The following FGF13 variants were observed in gnomAD, a reference collection of about 807,000 sequenced individuals.
The protein encoded by FGF13 is fibroblast growth factor homologous factor 2.
Under a neutral mutation model 19.5 loss-of-function variants are expected in FGF13, and 2 were observed. That is an observed-to-expected ratio of 0.10 (90% CI 0.04 to 0.32). The LOEUF (loss-of-function observed/expected upper bound fraction) is 0.32, where lower values mean the gene tolerates loss of function less well. Among genes scored for constraint, FGF13 ranks in the 10% least tolerant of loss-of-function variants. The probability of loss-of-function intolerance (pLI) is 1.00; values close to 1 mark genes in which losing one functional copy is unlikely to be tolerated. For missense variants in FGF13, 113 were observed against 192.7 expected, an observed-to-expected ratio of 0.59 and a Z score of 2.45; for synonymous variants, 72 against 76.9, an observed-to-expected ratio of 0.94 and a Z score of 0.33.
At chrX:139,033,466 C>T (rs2092238374) in intron 1 of FGF13, among the ~76,000 whole-genome samples, 1 of 111,325 alleles carries the variant, frequency 9.0e-6, no homozygotes. Flanking sequence ...TATGTCACTG[C>T]CCCCATTTTA....
At chrX:138,870,645 G>A (rs1475196209) in intron 1 of FGF13, among the ~76,000 whole-genome samples, 3 of 112,791 alleles carry the variant, frequency 2.7e-5, no homozygotes, top group Non-Finnish European at 3.7e-5. Flanking sequence ...GATTATCCAG[G>A]TAGGCCCAAT....
At chrX:138,994,291 C>T (rs190102506) in intron 1 of FGF13, among the ~76,000 whole-genome samples, 18 of 110,948 alleles carry the variant, frequency 1.6e-4, no homozygotes, top group African/African-American at 5.6e-4. Flanking sequence ...CTCTCTTCCT[C>T]TTCTTATGAG....
chrX:138,991,947 T>C (rs1423479342), intron 1 of FGF13, among the ~76,000 whole-genome samples: 3 of 111,939 alleles, frequency 2.7e-5, no homozygotes, highest in African/African-American at 6.5e-5. Context: ...CCCCACAGCC[T>C]TGCCAAAAGA....
At chrX:138,830,687 TTGTGTGTGTGTGTGTGTG>T (rs144759178) in intron 3 of FGF13, among the ~76,000 whole-genome samples, 1,115 of 87,500 alleles carry the variant, frequency 0.013, 11 homozygotes, top group African/African-American at 0.044. Context: ...AAAGGGGTGT[TTGTGTGTGTGTGTGTGTG>T]TGTGTGTGTG....
chrX:139,204,023 G>C, upstream of FGF13: 6 of 1,201,444 alleles, frequency 5.0e-6, no homozygotes, highest in Admixed American at 2.2e-5. Context: ...GGAAACGAAG[G>C]AAAGGAAAGC....
rs973890111 is a variant in FGF13, at chrX:138,929,858, G to C, written c.-112-65208C>G. 6.0e-3 allele frequency among the ~76,000 whole-genome samples: 22 copies of C among 3,680 alleles called. No homozygotes were observed. The East Asian group carries it at 0.1, about 17-fold the overall frequency. 3.2% of individuals were successfully genotyped at this position (3,680 alleles called of 115,157 possible). ...CATTGTTGTGAACTGCCTTAGCTGTGTGTGTGTGTGTGTGTGTGTGTGTGT... is the reference window on the plus strand; with the variant it reads ...CATTGTTGTGAACTGCCTTAGCTGTCTGTGTGTGTGTGTGTGTGTGTGTGT... On this transcript the variant is annotated intron_variant, in intron 1 of 2. Transcript: ENST00000421460.
intron 1 of FGF13, among the ~76,000 whole-genome samples, chrX:138,937,460 T>C (rs2091737331): frequency 8.9e-6 from 1 of 112,334 alleles, no homozygotes. Context: ...TAGCTGCATG[T>C]AAGCAGGAGC....
intron 1 of FGF13, among the ~76,000 whole-genome samples, chrX:139,103,369 G>A (rs111519164): frequency 0.13 from 14,471 of 111,793 alleles, 738 homozygotes; most frequent in South Asian, 0.21. Context: ...GTACTGATAC[G>A]TGCTACATGT....
intron 1 of FGF13, among the ~76,000 whole-genome samples, chrX:139,185,121 AG>A (rs1243244197): frequency 8.9e-6 from 1 of 112,325 alleles, no homozygotes; most frequent in Non-Finnish European, 1.9e-5. Flanking sequence ...CCATGGGAAA[AG>A]GGGGTGCTGA....
chrX:138,902,275 T>C (rs2091535160), intron 1 of FGF13, among the ~76,000 whole-genome samples: 1 of 112,442 alleles, frequency 8.9e-6, no homozygotes, highest in South Asian at 3.7e-4. Flanking sequence ...CAGGTTATTT[T>C]GATGGTTATA....
At position 138,625,742 on chromosome X, in the gene FGF13, C is replaced by T. The variant is rs762534942; in HGVS notation, c.*7108G>A. The T allele has an allele frequency of 1.0e-4, 11 of 107,572 alleles. No individual in the cohort carries two copies. The highest frequency in any genetic ancestry group is 3.4e-4 in the African/African-American group (10 of 29,605). 8.9% of individuals were successfully genotyped at this position (107,572 alleles called of 1,213,427 possible). A position where few individuals can be genotyped will look rare whatever the true frequency, so the allele number is the denominator to read the frequency against. ...TACCAGGGTCTAGGGGGTGAGGTAA[C>T]GTGGAGCTGTAAAAAAAATTATTTT... On this transcript the variant is annotated 3_prime_UTR_variant, in exon 5 of 5. Coordinates refer to ENST00000315930, the MANE Select transcript of FGF13 (RefSeq NM_004114.5).
chrX:138,869,909 G>A (rs777004652), intron 1 of FGF13, among the ~76,000 whole-genome samples: 1 of 111,818 alleles, frequency 8.9e-6, no homozygotes, highest in Admixed American at 9.5e-5. Context: ...AGAATATATT[G>A]TGCCAGGTTA....
chrX:138,871,172 C>T (rs1430741385), intron 1 of FGF13, among the ~76,000 whole-genome samples: 1 of 112,283 alleles, frequency 8.9e-6, no homozygotes, highest in Non-Finnish European at 1.9e-5. Context: ...ATAACAATAA[C>T]CAAATATTGT....
chrX:138,788,774 TA>T (rs2090714869), intron 3 of FGF13, among the ~76,000 whole-genome samples: 1 of 57,235 alleles, frequency 1.7e-5, no homozygotes, highest in African/African-American at 6.9e-5. Context: ...TGGTCAAACA[TA>T]CTTTCACATT....
intron 1 of FGF13, among the ~76,000 whole-genome samples, chrX:139,026,612 G>A (rs188334804): frequency 8.1e-5 from 9 of 111,586 alleles, no homozygotes; most frequent in Non-Finnish European, 1.3e-4. Flanking sequence ...AAATCATGCC[G>A]GGACAGTCCA....
At chrX:139,042,608 T>C (rs1040826265) in intron 1 of FGF13, among the ~76,000 whole-genome samples, 2 of 111,704 alleles carry the variant, frequency 1.8e-5, no homozygotes, top group East Asian at 2.8e-4. Flanking sequence ...GTTCAGCTAG[T>C]GATTAGTTTG....
intron 1 of FGF13, among the ~76,000 whole-genome samples, chrX:138,923,397 G>A (rs1182690879): frequency 8.9e-6 from 1 of 111,906 alleles, no homozygotes; most frequent in African/African-American, 3.2e-5. Context: ...AGGATCAAAC[G>A]GAATATATTT....
rs187968584 is a variant in FGF13, at chrX:138,935,730, A to G, written c.-112-71080T>C. Among the ~76,000 whole-genome samples the G allele has an allele frequency of 5.4e-5, 6 of 110,464 alleles. No homozygotes were observed. In the East Asian group the frequency reaches 1.7e-3, roughly 32 times the overall value. ...ATCTGTGGAACCTCCATTGCAATCA[A>G]TCACTCCCACAAAGTCCCTCATGCT... On this transcript the variant is annotated intron_variant, in intron 1 of 2. Coordinates refer to the FGF13 transcript ENST00000421460.
intron 1 of FGF13, among the ~76,000 whole-genome samples, chrX:138,875,655 C>A (rs2091384544): frequency 9.0e-6 from 1 of 111,266 alleles, no homozygotes; most frequent in African/African-American, 3.3e-5. Flanking sequence ...GGGTGGGCCT[C>A]ACCCAATCAG....
Sources: gnomAD v4.1 joint callset for allele counts (sites outside exome capture counted in the v4.1 genomes callset) on GRCh38, gnomAD v4.1.1 for gene constraint, MANE v1.5 for transcripts, NCBI Gene and HGNC (gene_info 2026-07-23, HGNC 2026-07-21) for gene names.